LIMS1: variants seen among roughly 807,000 people sequenced by gnomAD.
LIMS1 encodes the protein LIM and senescent cell antigen-like-containing domain protein 1.
LIMS1 carries 18 observed loss-of-function variants against 44.1 expected under a neutral mutation model. That is an observed-to-expected ratio of 0.41 (90% CI 0.28 to 0.61). The LOEUF (loss-of-function observed/expected upper bound fraction) is 0.61. Ranked by LOEUF, LIMS1 falls within the 20% of genes least tolerant of loss-of-function variation. The pLI, the probability that LIMS1 is intolerant of heterozygous loss-of-function variation, is 0.32. For missense variants in LIMS1, 201 were observed against 422.0 expected (o/e 0.48, Z 4.59); for synonymous variants, 93 against 149.1 (o/e 0.62, Z 2.74).
intron 1 of LIMS1, among the ~76,000 whole-genome samples, chr2:108,582,506 C>T (rs1037153261): frequency 2.0e-5 from 3 of 152,160 alleles, no homozygotes; most frequent in Admixed American, 2.0e-4. Context: ...CAGTGGCTCA[C>T]ACATGTAATC....
intron 1 of LIMS1, among the ~76,000 whole-genome samples, chr2:108,611,004 G>C (rs796175283): frequency 6.6e-6 from 1 of 152,038 alleles, no homozygotes; most frequent in Non-Finnish European, 1.5e-5. Context: ...TCAATCAGTC[G>C]AGGATACCAC....
At chr2:108,649,173 AACAG>A (rs1690285449) in intron 1 of LIMS1, among the ~76,000 whole-genome samples, 1 of 152,256 alleles carries the variant, frequency 6.6e-6, no homozygotes, top group South Asian at 2.1e-4. Context: ...AAAGGATATG[AACAG>A]ACACTTCTCA....
intron 8 of LIMS1, among the ~76,000 whole-genome samples, chr2:108,679,416 G>T (rs2149016615): frequency 6.6e-6 from 1 of 152,136 alleles, no homozygotes; most frequent in South Asian, 2.1e-4. Flanking sequence ...GGAGGCAGAG[G>T]TTGCTGTGAG....
intron 1 of LIMS1, among the ~76,000 whole-genome samples, chr2:108,625,587 C>G (rs547888400): frequency 1.3e-5 from 2 of 151,056 alleles, no homozygotes; most frequent in South Asian, 4.2e-4. Context: ...TCCCCCCCCC[C>G]AAAAAAATGC....
chr2:108,672,446 G>A lies in LIMS1; in HGVS notation c.380+1G>A. The A allele has an allele frequency of 2.5e-6, 2 of 805,224 alleles. No individual in the cohort carries two copies. Among genetic ancestry groups the A allele is most frequent in the Non-Finnish European group, 3.7e-6 (2 of 546,800 alleles). The allele number at this position is 805,224 out of a possible 1,614,324, so 49.9% of individuals were successfully genotyped here. ...TCGGGTTTGTCAAGAATGCTGGGAG[G>A]TAGGTGGATTTTCATCCTTGTCAGA... On this transcript the variant is annotated splice_donor_variant, in intron 4 of 9. Transcript: ENST00000544547. LOFTEE classifies it high-confidence loss of function.
intron 1 of LIMS1, among the ~76,000 whole-genome samples, chr2:108,639,061 A>G (rs1432966736): frequency 2.0e-5 from 3 of 151,930 alleles, no homozygotes. Flanking sequence ...AAAAATGTCT[A>G]CTTAAGGGCC....
chr2:108,662,172 C>T (rs530471014), intron 2 of LIMS1: 10 of 1,611,986 alleles, frequency 6.2e-6, no homozygotes, highest in Non-Finnish European at 8.5e-6. Context: ...CCCCTGTGAG[C>T]ACCCTGTAGC....
At chr2:108,551,735 G>GATATACAATATACAT (rs1398524048) in intron 1 of LIMS1, among the ~76,000 whole-genome samples, 3 of 142,778 alleles carry the variant, frequency 2.1e-5, no homozygotes, top group Non-Finnish European at 4.5e-5. Context: ...TAATGTATAT[G>GATATACAATATACAT]ATATACAATA....
At chr2:108,582,097 A>G (rs1158006072) in intron 1 of LIMS1, among the ~76,000 whole-genome samples, 2 of 152,238 alleles carry the variant, frequency 1.3e-5, no homozygotes, top group African/African-American at 4.8e-5. Context: ...CTAGTATTCA[A>G]TGTTGTGTGA....
At chr2:108,681,375 C>T (rs886209905) in intron 9 of LIMS1, 5 of 983,900 alleles carry the variant, frequency 5.1e-6, no homozygotes, top group Non-Finnish European at 6.0e-6. Flanking sequence ...TTCACTTACT[C>T]TGTAGACTCA....
Position 108,676,876 on chromosome 2 carries a change from C to T in LIMS1, c.774+178C>T, listed in dbSNP as rs1003466899. On this transcript the variant is annotated intron_variant, in intron 7 of 9. Transcript: ENST00000544547. The stretch of plus-strand genomic sequence containing the variant: ...CTAACTATAAAATATACAAAGAATA[C>T]CTGTATGTCTTTCATTCAAGTCCAC... 11 of 665,932 alleles carry T rather than the reference C, an allele frequency of 1.7e-5. No individual in the cohort carries two copies. In the African/African-American group the frequency reaches 2.0e-4, roughly 12 times the overall value. 41.3% of individuals were successfully genotyped at this position (665,932 alleles called of 1,614,324 possible).
At chr2:108,636,706 T>C (rs1398495339) in intron 1 of LIMS1, among the ~76,000 whole-genome samples, 2 of 152,228 alleles carry the variant, frequency 1.3e-5, no homozygotes, top group Admixed American at 6.5e-5. Flanking sequence ...AATACCACTT[T>C]TTGAGAAGAG....
chr2:108,681,770 A>G (rs1037317309), intron 9 of LIMS1: 20 of 190,802 alleles, frequency 1.0e-4, no homozygotes, highest in Admixed American at 2.0e-4. Context: ...AAAAAAAAAC[A>G]AATTAGCCAG....
intron 1 of LIMS1, among the ~76,000 whole-genome samples, chr2:108,584,865 G>A (rs900169545): frequency 3.3e-5 from 5 of 152,008 alleles, no homozygotes; most frequent in Admixed American, 6.6e-5. Context: ...GATGGAGCCA[G>A]GTAGGGCCTG....
chr2:108,576,669 G>A (rs1685680397), intron 1 of LIMS1, among the ~76,000 whole-genome samples: 1 of 152,170 alleles, frequency 6.6e-6, no homozygotes. Context: ...AGACTGCTGG[G>A]ATTACAGGTG....
chr2:108,537,909 G>C (rs996093716), intron 1 of LIMS1, among the ~76,000 whole-genome samples: 5 of 152,308 alleles, frequency 3.3e-5, no homozygotes, highest in Admixed American at 6.5e-5. Context: ...TAACAGGAGA[G>C]CCGAGCTTTA....
At chr2:108,668,544 A>T (rs748372412) in intron 2 of LIMS1, among the ~76,000 whole-genome samples, 1 of 152,196 alleles carries the variant, frequency 6.6e-6, no homozygotes. Context: ...ACAGGATCTC[A>T]TTCTTTTTTA....
chr2:108,538,357 T>C (rs1027472685), intron 1 of LIMS1, among the ~76,000 whole-genome samples: 1 of 152,172 alleles, frequency 6.6e-6, no homozygotes, highest in Non-Finnish European at 1.5e-5. Context: ...TTTTTTCACG[T>C]TGGAGCACGT....
intron 1 of LIMS1, among the ~76,000 whole-genome samples, chr2:108,609,415 C>G (rs768046526): frequency 6.6e-6 from 1 of 152,114 alleles, no homozygotes; most frequent in Non-Finnish European, 1.5e-5. Context: ...TCACATAAAC[C>G]CATCAGCCTG....
Sources: allele counts gnomAD v4.1 joint callset (sites outside exome capture counted in the v4.1 genomes callset), GRCh38; gene constraint gnomAD v4.1.1; transcripts MANE v1.5; gene names NCBI Gene and HGNC (gene_info 2026-07-23, HGNC 2026-07-21).